RGS6: variants seen among roughly 807,000 people sequenced by gnomAD.
RGS6 encodes the protein regulator of G protein signaling 6, also known as regulator of G-protein signaling 6.
RGS6 carries 30 observed loss-of-function variants against 78.5 expected under a neutral mutation model. The observed-to-expected ratio is 0.38, with a 90% CI of 0.29 to 0.52. RGS6 has a LOEUF of 0.52. Among genes scored for constraint, RGS6 ranks in the 20% least tolerant of loss-of-function variants. The probability of loss-of-function intolerance (pLI) is 0.85; values close to 1 mark genes in which losing one functional copy is unlikely to be tolerated. For synonymous variants in RGS6, 206 were observed against 206.0 expected (o/e 1.00, Z 0.00); for missense variants, 495 against 609.7 (o/e 0.81, Z 1.98).
chr14:72,320,361 G>A (rs999296725), intron 2 of RGS6, among the ~76,000 whole-genome samples: 27 of 152,140 alleles, frequency 1.8e-4, no homozygotes, highest in African/African-American at 6.3e-4. Flanking sequence ...GGTGGATCAC[G>A]AGGTCGGGAG....
At chr14:72,613,336 T>C in the RGS6 span, among the ~76,000 whole-genome samples, 2,186 of 152,284 alleles carry the variant, frequency 0.014, 65 homozygotes, top group African/African-American at 0.05. Context: ...TTTTGCTCAA[T>C]GCCTGGGCTA....
chr14:72,613,573 A>G, the RGS6 span, among the ~76,000 whole-genome samples: 1 of 152,228 alleles, frequency 6.6e-6, no homozygotes, highest in Non-Finnish European at 1.5e-5. Context: ...GAGTGGGGAC[A>G]GAAGCTGGAA....
chr14:72,517,069 C>T (rs1285819110), intron 14 of RGS6, among the ~76,000 whole-genome samples: 2 of 151,806 alleles, frequency 1.3e-5, no homozygotes, highest in Non-Finnish European at 2.9e-5. Flanking sequence ...TGAGTGGCAC[C>T]TTTGGGCCAT....
chr14:72,461,584 C>T (rs573710644), intron 6 of RGS6, among the ~76,000 whole-genome samples: 10 of 152,016 alleles, frequency 6.6e-5, no homozygotes, highest in Admixed American at 3.3e-4. Context: ...CCCAGTGACT[C>T]GGGAGGCTGA....
intron 2 of RGS6, among the ~76,000 whole-genome samples, chr14:72,088,655 A>G (rs1029640): frequency 0.45 from 68,705 of 151,504 alleles, 17,617 homozygotes; most frequent in Non-Finnish European, 0.58. Context: ...TGAAGGCTTC[A>G]ATCAGACCAG....
chr14:72,253,820 C>G (rs915478270), intron 2 of RGS6, among the ~76,000 whole-genome samples: 1 of 152,184 alleles, frequency 6.6e-6, no homozygotes, highest in African/African-American at 2.4e-5. Context: ...AAGAAATAAA[C>G]CTTATTGTTT....
the RGS6 span, among the ~76,000 whole-genome samples, chr14:72,605,720 G>C: frequency 6.6e-6 from 1 of 152,306 alleles, no homozygotes; most frequent in South Asian, 2.1e-4. Context: ...CTTCTTAAGA[G>C]TAACCCAAGG....
chr14:72,350,419 T>A (rs999308212), intron 2 of RGS6, among the ~76,000 whole-genome samples: 1 of 152,194 alleles, frequency 6.6e-6, no homozygotes, highest in Non-Finnish European at 1.5e-5. Context: ...TCCCTGATGT[T>A]GATCACAGAT....
chr14:72,101,638 A>C (rs1481327333), intron 2 of RGS6, among the ~76,000 whole-genome samples: 1 of 152,104 alleles, frequency 6.6e-6, no homozygotes. Flanking sequence ...CACTTTGGAG[A>C]GTGAAGTCAG....
intron 2 of RGS6, among the ~76,000 whole-genome samples, chr14:72,204,409 C>T (rs1030781077): frequency 3.9e-5 from 6 of 152,196 alleles, no homozygotes; most frequent in Non-Finnish European, 7.3e-5. Context: ...CAGAAGCTGC[C>T]TGCCATACAG....
intron 13 of RGS6, among the ~76,000 whole-genome samples, chr14:72,499,075 C>T (rs1422705791): frequency 6.6e-6 from 1 of 152,144 alleles, no homozygotes; most frequent in African/African-American, 2.4e-5. Flanking sequence ...CTCTGTGGGT[C>T]AAGCCCTGAT....
chr14:72,146,018 C>T (rs1201067247), intron 2 of RGS6, among the ~76,000 whole-genome samples: 3 of 152,108 alleles, frequency 2.0e-5, no homozygotes, highest in Non-Finnish European at 2.9e-5. Flanking sequence ...TTATTTTTTA[C>T]GGTTCCAGAG....
At chr14:72,592,282 A>G in the RGS6 span, among the ~76,000 whole-genome samples, 2 of 152,254 alleles carry the variant, frequency 1.3e-5, no homozygotes, top group Non-Finnish European at 2.9e-5. Flanking sequence ...AAATTTTCTG[A>G]TGGTCCAGCC....
intron 6 of RGS6, among the ~76,000 whole-genome samples, chr14:72,463,646 T>A (rs1180770971): frequency 1.3e-5 from 2 of 152,214 alleles, no homozygotes; most frequent in Non-Finnish European, 2.9e-5. Flanking sequence ...CTTTTCTGAG[T>A]TTTACATTTG....
chr14:72,372,030 T>C lies in RGS6; in HGVS notation c.184+19836T>C, dbSNP rs564590659. 6.6e-5 allele frequency among the ~76,000 whole-genome samples: 10 copies of C among 152,312 alleles called. No individual in the cohort carries two copies. In the East Asian group the frequency reaches 1.7e-3, roughly 26 times the overall value. On this transcript the variant is annotated intron_variant, in intron 3 of 17. Transcript: ENST00000553525. ...ACAAAATCGTGTTTCTGACAGAAAG[T>C]GTATACACATTATGAGCAAGGAGAA...
chr14:72,409,645 G>T (rs1202654127), intron 3 of RGS6, among the ~76,000 whole-genome samples: 2 of 152,022 alleles, frequency 1.3e-5, no homozygotes, highest in African/African-American at 4.8e-5. Context: ...ACATGGCCAT[G>T]TTGGTGTGCT....
At chr14:72,599,533 C>T in the RGS6 span, among the ~76,000 whole-genome samples, 5 of 149,656 alleles carry the variant, frequency 3.3e-5, no homozygotes, top group East Asian at 9.8e-4. Flanking sequence ...CTCAACCTCC[C>T]GAGTAGCTGG....
intron 2 of RGS6, among the ~76,000 whole-genome samples, chr14:72,044,961 C>T (rs1056433090): frequency 4.6e-5 from 7 of 152,186 alleles, no homozygotes; most frequent in South Asian, 2.1e-4. Flanking sequence ...TCTGCAGTCC[C>T]GCAGTTTCTT....
At chr14:72,619,464 A>T in the RGS6 span, 1 of 1,382,916 alleles carries the variant, frequency 7.2e-7, no homozygotes, top group Non-Finnish European at 9.8e-7. Flanking sequence ...TTTCCTTTGA[A>T]CTTTGGCAAT....
Sources: gnomAD v4.1 joint callset for allele counts (sites outside exome capture counted in the v4.1 genomes callset) on GRCh38, gnomAD v4.1.1 for gene constraint, MANE v1.5 for transcripts, NCBI Gene and HGNC (gene_info 2026-07-23, HGNC 2026-07-21) for gene names.